SETBP1: variants seen among roughly 807,000 people sequenced by gnomAD.
SETBP1 encodes the protein SET-binding protein.
SETBP1 carries 9 observed loss-of-function variants against 101.0 expected under a neutral mutation model. The ratio of observed to expected loss-of-function variants is 0.09; its 90% CI spans 0.05 to 0.16. The LOEUF (loss-of-function observed/expected upper bound fraction) is 0.16, where lower values mean the gene tolerates loss of function less well. Among genes scored for constraint, SETBP1 ranks in the 10% least tolerant of loss-of-function variants. SETBP1 has a pLI of 1.00. For missense variants in SETBP1, 1,858 were observed against 2,033.8 expected (o/e 0.91, Z 1.66); for synonymous variants, 818 against 788.5 (o/e 1.04, Z -0.63).
At chr18:45,047,565 T>C (rs1274074492) in intron 5 of SETBP1, among the ~76,000 whole-genome samples, 1 of 152,186 alleles carries the variant, frequency 6.6e-6, no homozygotes, top group African/African-American at 2.4e-5. Context: ...TTTTCTGTAA[T>C]TAATGGAGAG....
intron 4 of SETBP1, among the ~76,000 whole-genome samples, chr18:44,993,832 G>T (rs145493396): frequency 6.6e-6 from 1 of 151,946 alleles, no homozygotes. Context: ...AAGAAAAGGC[G>T]GAGGACTTAC....
chr18:44,859,649 A>G (rs1045425111), intron 2 of SETBP1, among the ~76,000 whole-genome samples: 1 of 152,242 alleles, frequency 6.6e-6, no homozygotes, highest in Non-Finnish European at 1.5e-5. Flanking sequence ...AAGTTAAAGT[A>G]CCTACCTGGT....
chr18:45,056,058 A>G (rs1272459878), intron 5 of SETBP1, among the ~76,000 whole-genome samples: 1 of 152,166 alleles, frequency 6.6e-6, no homozygotes, highest in Non-Finnish European at 1.5e-5. Flanking sequence ...CTGACAGTCC[A>G]TTGACAGCCT....
At chr18:45,018,989 G>T (rs573568590) in intron 4 of SETBP1, among the ~76,000 whole-genome samples, 2 of 152,258 alleles carry the variant, frequency 1.3e-5, no homozygotes, top group African/African-American at 4.8e-5. Flanking sequence ...GACTCCTAAT[G>T]AGAGATTTTC....
chr18:44,769,666 A>G (rs2070831992), intron 2 of SETBP1, among the ~76,000 whole-genome samples: 1 of 152,236 alleles, frequency 6.6e-6, no homozygotes, highest in Non-Finnish European at 1.5e-5. Context: ...ATTCTTTCCC[A>G]TAACTATTCT....
chr18:44,867,399 C>A (rs2069152512), intron 2 of SETBP1, among the ~76,000 whole-genome samples: 1 of 152,168 alleles, frequency 6.6e-6, no homozygotes, highest in Admixed American at 6.5e-5. Context: ...CATGTGAAAT[C>A]AAGGCCAAAT....
At chr18:45,030,042 G>A (rs56105219) in intron 4 of SETBP1, among the ~76,000 whole-genome samples, 52,140 of 129,092 alleles carry the variant, frequency 0.4, 11,228 homozygotes, top group Middle Eastern at 0.47. Context: ...AACTTCCAAC[G>A]CTATGTTGAA....
intron 2 of SETBP1, among the ~76,000 whole-genome samples, chr18:44,815,815 G>T (rs999214496): frequency 6.6e-6 from 1 of 152,192 alleles, no homozygotes; most frequent in Non-Finnish European, 1.5e-5. Flanking sequence ...ACAGCCTGAG[G>T]ACATATGGAT....
At chr18:44,868,762 G>T (rs950167866) in intron 2 of SETBP1, among the ~76,000 whole-genome samples, 1 of 99,352 alleles carries the variant, frequency 1.0e-5, no homozygotes, top group African/African-American at 3.4e-5. Flanking sequence ...AAGGAAGGAA[G>T]GAAGGAAGGA....
chr18:44,933,354 C>T (rs750465308), intron 3 of SETBP1, among the ~76,000 whole-genome samples: 10 of 152,204 alleles, frequency 6.6e-5, no homozygotes, highest in Admixed American at 2.6e-4. Flanking sequence ...AGGTGTCAGT[C>T]GGCCCCTACT....
intron 3 of SETBP1, among the ~76,000 whole-genome samples, chr18:44,891,955 T>C (rs914100386): frequency 1.3e-5 from 2 of 152,140 alleles, no homozygotes; most frequent in African/African-American, 2.4e-5. Flanking sequence ...TCAACAGATA[T>C]ATTCATCAAA....
intron 3 of SETBP1, among the ~76,000 whole-genome samples, chr18:44,937,787 A>G (rs1317612961): frequency 1.3e-5 from 2 of 151,922 alleles, no homozygotes; most frequent in East Asian, 3.9e-4. Context: ...TCCCCAGGTG[A>G]CTCTTGTGCG....
chr18:44,949,946 C>A lies in SETBP1; in HGVS notation c.606C>A (p.Thr202=). The part of the protein sequence containing the change: ...HYDTGLPQDF[T]GDTLKPKHQQ... ...ACACGGGCCTCCCACAGGACTTCAC[C>A]GGTGACACCTTAAAACCAAAGCACC... Residue 202 remains threonine (T), a synonymous_variant, in exon 4 of 6, where the codon ACC becomes ACA. Coordinates refer to ENST00000649279, the MANE Select transcript of SETBP1 (RefSeq NM_015559.3). The A allele has an allele frequency of 6.2e-7, 1 of 1,614,112 alleles. No homozygotes were observed. The highest frequency in any genetic ancestry group is 8.5e-7 in the Non-Finnish European group (1 of 1,180,032).
At chr18:45,023,250 A>G (rs2073103779) in intron 4 of SETBP1, among the ~76,000 whole-genome samples, 1 of 152,248 alleles carries the variant, frequency 6.6e-6, no homozygotes, top group Non-Finnish European at 1.5e-5. Context: ...TGATTGTGCT[A>G]GAATATGCTA....
intron 4 of SETBP1, among the ~76,000 whole-genome samples, chr18:45,018,330 G>A (rs550297707): frequency 2.0e-5 from 3 of 152,284 alleles, no homozygotes; most frequent in African/African-American, 7.2e-5. Context: ...TTACCATCTT[G>A]TTTTCATTTC....
At chr18:44,747,102 A>G (rs1215335601) in intron 2 of SETBP1, among the ~76,000 whole-genome samples, 1 of 152,192 alleles carries the variant, frequency 6.6e-6, no homozygotes, top group Non-Finnish European at 1.5e-5. Flanking sequence ...CTGCATGTGA[A>G]TGGAGGTTCC....
At chr18:44,788,533 T>C (rs2071295120) in intron 2 of SETBP1, among the ~76,000 whole-genome samples, 1 of 152,184 alleles carries the variant, frequency 6.6e-6, no homozygotes, top group Non-Finnish European at 1.5e-5. Flanking sequence ...AACAGGTGCT[T>C]GGAAGCCTGG....
intron 2 of SETBP1, among the ~76,000 whole-genome samples, chr18:44,843,204 AC>A (rs2072657449): frequency 6.6e-6 from 1 of 152,200 alleles, no homozygotes; most frequent in East Asian, 1.9e-4. Flanking sequence ...GGGGCATGGC[AC>A]CTCTGGCTGC....
At chr18:45,059,070 T>A (rs917099155) in intron 5 of SETBP1, among the ~76,000 whole-genome samples, 2 of 152,214 alleles carry the variant, frequency 1.3e-5, no homozygotes, top group Non-Finnish European at 2.9e-5. Flanking sequence ...TTATAATTTT[T>A]TTAACATTGT....
Sources: gnomAD v4.1 joint callset for allele counts (sites outside exome capture counted in the v4.1 genomes callset) on GRCh38, gnomAD v4.1.1 for gene constraint, MANE v1.5 for transcripts, NCBI Gene and HGNC (gene_info 2026-07-23, HGNC 2026-07-21) for gene names.